NTN1: variants seen among roughly 807,000 people sequenced by gnomAD.
NTN1 encodes netrin-1.
A neutral mutation model predicts 54.2 loss-of-function variants in NTN1; 11 were observed. The ratio of observed to expected loss-of-function variants is 0.20; its 90% CI spans 0.13 to 0.34. The LOEUF (loss-of-function observed/expected upper bound fraction) is 0.34. Among genes scored for constraint, NTN1 ranks in the 10% least tolerant of loss-of-function variants. NTN1 has a pLI of 1.00. For synonymous variants in NTN1, 371 were observed against 382.0 expected (o/e 0.97, Z 0.33); for missense variants, 740 against 893.1 (o/e 0.83, Z 2.18).
At chr17:9,102,804 G>C (rs867331799) in intron 2 of NTN1, among the ~76,000 whole-genome samples, 1 of 152,200 alleles carries the variant, frequency 6.6e-6, no homozygotes, top group Non-Finnish European at 1.5e-5. Context: ...AGTATGAATA[G>C]CCTATAACTA....
chr17:9,045,459 C>G (rs556837681), intron 2 of NTN1, among the ~76,000 whole-genome samples: 1 of 152,258 alleles, frequency 6.6e-6, no homozygotes, highest in South Asian at 2.1e-4. Context: ...CAGCTTCCTA[C>G]AGAAACGGGC....
chr17:9,066,740 C>T (rs1322654369), intron 2 of NTN1, among the ~76,000 whole-genome samples: 1 of 152,176 alleles, frequency 6.6e-6, no homozygotes, highest in Non-Finnish European at 1.5e-5. Context: ...TGGTTCACGC[C>T]TTTAATCCCA....
intron 2 of NTN1, among the ~76,000 whole-genome samples, chr17:9,117,001 T>C (rs1055573829): frequency 6.7e-5 from 10 of 149,834 alleles, no homozygotes; most frequent in Non-Finnish European, 1.5e-4. Context: ...GCATTGTGGC[T>C]CCCTGAATGA....
At chr17:9,224,374 C>T (rs1043453062) in intron 6 of NTN1, among the ~76,000 whole-genome samples, 2 of 152,272 alleles carry the variant, frequency 1.3e-5, no homozygotes, top group South Asian at 2.1e-4. Flanking sequence ...GGGCATCTCT[C>T]TTGGGGCGGG....
chr17:9,226,340 G>C (rs1905547512), intron 6 of NTN1, among the ~76,000 whole-genome samples: 1 of 152,106 alleles, frequency 6.6e-6, no homozygotes, highest in Non-Finnish European at 1.5e-5. Flanking sequence ...GAGGGCACAT[G>C]ATATCCTTCT....
At chr17:9,222,722 G>A (rs1055775596) in intron 6 of NTN1, among the ~76,000 whole-genome samples, 1 of 152,128 alleles carries the variant, frequency 6.6e-6, no homozygotes, top group African/African-American at 2.4e-5. Context: ...CCCTACCCTG[G>A]GACCCAGACC....
intron 2 of NTN1, among the ~76,000 whole-genome samples, chr17:9,031,557 TC>T (rs2091888424): frequency 1.3e-5 from 2 of 152,144 alleles, no homozygotes; most frequent in South Asian, 4.1e-4. Flanking sequence ...ACCTTCCCCT[TC>T]CCCAACCTGC....
chr17:9,094,543 T>G (rs189575841), intron 2 of NTN1, among the ~76,000 whole-genome samples: 1 of 152,290 alleles, frequency 6.6e-6, no homozygotes, highest in East Asian at 1.9e-4. Context: ...TAAAATCCTT[T>G]AAGTCTTCTA....
rs562257224 is a variant in NTN1 at position 9,111,532 on chromosome 17, G to A, written c.1019-51281G>A. Among the ~76,000 whole-genome samples the A allele has an allele frequency of 3.3e-5, 5 of 152,214 alleles. No homozygotes were observed. The South Asian group carries it at 1.0e-3, about 32-fold the overall frequency. ...AGTTCCCCCAGAGAGGAGAGGCAAT[G>A]CAGCTGATTCTTAAACAACTTAGGG... is the stretch of plus-strand genomic sequence containing the variant. On this transcript the variant is annotated intron_variant, in intron 2 of 6. Coordinates refer to ENST00000173229, the MANE Select transcript of NTN1 (RefSeq NM_004822.3).
At chr17:9,160,229 G>A (rs11654270) in intron 2 of NTN1, among the ~76,000 whole-genome samples, 85,390 of 151,940 alleles carry the variant, frequency 0.56, 24,142 homozygotes, top group African/African-American at 0.59. Context: ...TCAGCCTTCC[G>A]AGTTGTTGGG....
chr17:9,221,032 C>T lies in NTN1; in HGVS notation c.1412-136C>T, dbSNP rs551674657. On this transcript the variant is annotated intron_variant, in intron 5 of 6. Transcript: ENST00000173229. This position sits in a 1 kb window ranked among gnomAD's most constrained non-coding sequence, Gnocchi z 4.5. ...AGCGCAGGCCTTTCCTGAATGGCCG[C>T]CTGCCCGCCCGGCCTGGCCCATGGG... The T allele has an allele frequency of 5.4e-6, 4 of 735,896 alleles. No individual in the cohort carries two copies. The Admixed American group carries it at 6.0e-5, about 11-fold the overall frequency. The allele number at this position is 735,896 out of a possible 1,614,324, so 45.6% of individuals were successfully genotyped here.
At chr17:9,191,853 C>T (rs1230935514) in intron 5 of NTN1, among the ~76,000 whole-genome samples, 1 of 125,850 alleles carries the variant, frequency 7.9e-6, no homozygotes, top group Non-Finnish European at 1.6e-5. Context: ...CATAATGAGA[C>T]CTTATCGCTA....
At chr17:9,149,691 C>G (rs2092322172) in intron 2 of NTN1, among the ~76,000 whole-genome samples, 2 of 152,138 alleles carry the variant, frequency 1.3e-5, no homozygotes, top group African/African-American at 4.8e-5. Context: ...AACAATGTCC[C>G]CCTTCCTTCT....
At chr17:9,202,055 CAAAAAAAAAAAA>C (rs773720564) in intron 5 of NTN1, among the ~76,000 whole-genome samples, 32 of 48,334 alleles carry the variant, frequency 6.6e-4, no homozygotes, top group African/African-American at 2.1e-3. Context: ...CACACACACA[CAAAAAAAAAAAA>C]AAAAAAAAAA....
chr17:9,125,114 T>G (rs2092242521), intron 2 of NTN1, among the ~76,000 whole-genome samples: 1 of 152,126 alleles, frequency 6.6e-6, no homozygotes. Flanking sequence ...CAGGCTGGAG[T>G]GCAGTGGCAC....
intron 2 of NTN1, among the ~76,000 whole-genome samples, chr17:9,143,512 T>A (rs1316924879): frequency 6.6e-6 from 1 of 152,216 alleles, no homozygotes; most frequent in Non-Finnish European, 1.5e-5. Flanking sequence ...TGCTCTGTCT[T>A]CTACCTCATG....
Position 9,135,024 on chromosome 17 carries a change from A to C in NTN1, c.1019-27789A>C, listed in dbSNP as rs1013745759. On this transcript the variant is annotated intron_variant, in intron 2 of 6. Transcript: ENST00000173229. The surrounding 1 kb of genome is among the most constrained non-coding windows in gnomAD (Gnocchi z 4.4). ...ACACCCCCATTGTCATGCAGCTGAC[A>C]CCTCCAACCCCCATACCCAGACCAA... 3.9e-5 allele frequency among the ~76,000 whole-genome samples: 6 copies of C among 151,924 alleles called. No homozygotes were observed. Among genetic ancestry groups the C allele is most frequent in the Non-Finnish European group, 8.8e-5 (6 of 67,980 alleles).
intron 3 of NTN1, among the ~76,000 whole-genome samples, chr17:9,178,461 C>T (rs958156288): frequency 6.6e-6 from 1 of 152,238 alleles, no homozygotes; most frequent in Non-Finnish European, 1.5e-5. Context: ...CTCCCTCCCT[C>T]CTCTTCCTAA....
intron 3 of NTN1, among the ~76,000 whole-genome samples, chr17:9,168,801 G>C (rs992170155): frequency 1.3e-5 from 2 of 152,188 alleles, no homozygotes; most frequent in East Asian, 3.9e-4. Context: ...TGGGTCCCCT[G>C]TCACATTTCC....
Sources: gnomAD v4.1 joint callset for allele counts (sites outside exome capture counted in the v4.1 genomes callset) on GRCh38, gnomAD v4.1.1 for gene constraint, Gnocchi (gnomAD v3.1) non-coding constraint, MANE v1.5 for transcripts, NCBI Gene and HGNC (gene_info 2026-07-23, HGNC 2026-07-21) for gene names.